TBC1D23: variants seen among roughly 807,000 people sequenced by gnomAD.
TBC1D23 encodes the protein HCV non-structural protein 4A-transactivated protein 1.
Under a neutral mutation model 91.4 loss-of-function variants are expected in TBC1D23, and 55 were observed. That is an observed-to-expected ratio of 0.60 (90% CI 0.48 to 0.75). The LOEUF (loss-of-function observed/expected upper bound fraction) is 0.75, where lower values mean the gene tolerates loss of function less well. Among genes scored for constraint, TBC1D23 ranks in the 30% least tolerant of loss-of-function variants. The pLI, the probability that TBC1D23 is intolerant of heterozygous loss-of-function variation, is 0.00. For missense variants in TBC1D23, 725 were observed against 836.1 expected (o/e 0.87, Z 1.64); for synonymous variants, 289 against 281.0 (o/e 1.03, Z -0.28).
chr3:100,320,401 A>G (rs867279312), intron 17 of TBC1D23, among the ~76,000 whole-genome samples: 2 of 152,192 alleles, frequency 1.3e-5, no homozygotes, highest in South Asian at 4.1e-4. Context: ...GATATTAGAT[A>G]TAGGATATGG....
intron 12 of TBC1D23, among the ~76,000 whole-genome samples, chr3:100,305,462 A>AAGATTTTAATAAATCTTTTTTAAATGT: frequency 6.6e-6 from 1 of 152,206 alleles, no homozygotes; most frequent in Non-Finnish European, 1.5e-5. Context: ...TAAGATTTTA[A>AAGATTTTAATAAATCTTTTTTAAATGT]AAGAGCCTGT....
chr3:100,277,670 C>T (rs1302382048), intron 1 of TBC1D23, among the ~76,000 whole-genome samples: 3 of 152,008 alleles, frequency 2.0e-5, no homozygotes, highest in African/African-American at 7.3e-5. Context: ...TAATTTCATC[C>T]CAGTAAGTAG....
At chr3:100,278,716 T>C (rs1403901065) in intron 1 of TBC1D23, among the ~76,000 whole-genome samples, 1 of 152,220 alleles carries the variant, frequency 6.6e-6, no homozygotes, top group Non-Finnish European at 1.5e-5. Flanking sequence ...ATTTTCTGGC[T>C]AGAAAACAAT....
intron 4 of TBC1D23, among the ~76,000 whole-genome samples, chr3:100,289,405 C>G (rs146468070): frequency 5.3e-5 from 8 of 152,126 alleles, no homozygotes; most frequent in Non-Finnish European, 1.2e-4. Context: ...CCTCTGGGCT[C>G]GAAAGGTTTT....
At chr3:100,270,152 A>G (rs1457894140) in intron 1 of TBC1D23, among the ~76,000 whole-genome samples, 3 of 152,186 alleles carry the variant, frequency 2.0e-5, no homozygotes, top group Non-Finnish European at 2.9e-5. Flanking sequence ...ACATAAGAGC[A>G]TTGACTTTTT....
intron 18 of TBC1D23, among the ~76,000 whole-genome samples, chr3:100,322,601 A>G (rs1705879706): frequency 1.3e-5 from 2 of 152,186 alleles, no homozygotes; most frequent in Non-Finnish European, 2.9e-5. Flanking sequence ...AGTAGATTCA[A>G]TGGGTGAGAG....
At chr3:100,323,462 G>T in intron 18 of TBC1D23, 125 bp from the exon 19 acceptor site, 1 of 340,604 alleles carries the variant, frequency 2.9e-6, no homozygotes, top group Admixed American at 5.1e-5. Flanking sequence ...GGCTTTGTGG[G>T]TTAGGGAAAG....
At chr3:100,270,215 G>A (rs2067589578) in intron 1 of TBC1D23, among the ~76,000 whole-genome samples, 1 of 152,128 alleles carries the variant, frequency 6.6e-6, no homozygotes, top group Non-Finnish European at 1.5e-5. Flanking sequence ...TGTAGTAGGT[G>A]CTCAATACAT....
At chr3:100,296,915 G>GTT (rs1340888424) in intron 8 of TBC1D23, among the ~76,000 whole-genome samples, 1 of 151,632 alleles carries the variant, frequency 6.6e-6, no homozygotes, top group Non-Finnish European at 1.5e-5. Flanking sequence ...AGGAGGTAGA[G>GTT]TTTTGCCACT....
intron 3 of TBC1D23, 115 bp from the exon 4 acceptor site, chr3:100,283,491 CT>C (rs1266066133): frequency 7.9e-5 from 51 of 642,004 alleles, no homozygotes; most frequent in Non-Finnish European, 1.4e-5. Flanking sequence ...TGTAGTTTCA[CT>C]TTGTCTTTCT....
chr3:100,265,848 G>A (rs1272672004), intron 1 of TBC1D23, among the ~76,000 whole-genome samples: 3 of 152,264 alleles, frequency 2.0e-5, no homozygotes, highest in African/African-American at 7.2e-5. Context: ...TGAGATGTGA[G>A]TAGGAATTGT....
intron 11 of TBC1D23, among the ~76,000 whole-genome samples, chr3:100,302,784 C>T (rs1305879507): frequency 6.6e-6 from 1 of 152,174 alleles, no homozygotes; most frequent in East Asian, 1.9e-4. Flanking sequence ...TGGGGTTTCA[C>T]TGTGTTGGCC....
intron 4 of TBC1D23, among the ~76,000 whole-genome samples, chr3:100,288,276 T>C (rs1049893378): frequency 4.6e-5 from 7 of 152,004 alleles, no homozygotes; most frequent in Non-Finnish European, 7.4e-5. Context: ...TAAAAAAAAC[T>C]GTCATTCATT....
chr3:100,281,697 A>G, intron 2 of TBC1D23, 45 bp from the exon 3 acceptor site: 1 of 1,212,736 alleles, frequency 8.2e-7, no homozygotes, highest in Non-Finnish European at 1.2e-6. Flanking sequence ...TCCAAGAATG[A>G]GGAATAACAT....
At chr3:100,318,646 C>CTT (rs1221401600) in intron 16 of TBC1D23, among the ~76,000 whole-genome samples, 13 of 137,894 alleles carry the variant, frequency 9.4e-5, no homozygotes, top group African/African-American at 1.3e-4. Context: ...TTGCGTTATT[C>CTT]TTTTTTTTTT....
Position 100,310,421 on chromosome 3 carries a change from T to C in TBC1D23, c.1432T>C (p.Ser478Pro). ...TTTTTAGGGTGAATCTCCTAATGGC[T>C]CAAGTGATAGAGGAATGAAATCACT... is the stretch of plus-strand genomic sequence containing the variant. ...NSVDGESPNG[S>P]SDRGMKSLVN... is the part of the protein sequence containing the mutation. Residue 478 changes from serine to proline, a missense_variant, in exon 14 of 19, where the codon TCA becomes CCA. Coordinates refer to ENST00000394144, the MANE Select transcript of TBC1D23 (RefSeq NM_001199198.3). The C allele has an allele frequency of 4.3e-6, 7 of 1,612,656 alleles. No individual in the cohort carries two copies. Among genetic ancestry groups the C allele is most frequent in the Non-Finnish European group, 5.9e-6 (7 of 1,179,502 alleles).
chr3:100,309,132 C>T (rs1034426706), intron 13 of TBC1D23, among the ~76,000 whole-genome samples: 2 of 152,126 alleles, frequency 1.3e-5, no homozygotes, highest in Non-Finnish European at 2.9e-5. Context: ...CAAGATCGCA[C>T]CACTGCACTC....
intron 1 of TBC1D23, among the ~76,000 whole-genome samples, chr3:100,272,395 G>T (rs1415804738): frequency 1.3e-5 from 2 of 152,136 alleles, no homozygotes; most frequent in Non-Finnish European, 2.9e-5. Context: ...GTTTGCTAGT[G>T]ATAATGGCCT....
intron 15 of TBC1D23, among the ~76,000 whole-genome samples, chr3:100,315,245 C>T (rs1319309087): frequency 6.9e-6 from 1 of 145,628 alleles, no homozygotes; most frequent in Non-Finnish European, 1.5e-5. Flanking sequence ...TTACCGCAAC[C>T]TCTGCCTCCC....
Sources: gnomAD v4.1 joint callset for allele counts (sites outside exome capture counted in the v4.1 genomes callset) on GRCh38, gnomAD v4.1.1 for gene constraint, MANE v1.5 for transcripts, NCBI Gene and HGNC (gene_info 2026-07-23, HGNC 2026-07-21) for gene names.